GRM4: variants seen among roughly 807,000 people sequenced by gnomAD.
GRM4 encodes metabotropic glutamate receptor 4.
In GRM4, 28 loss-of-function variants were observed where a neutral mutation model predicts 81.7. The observed-to-expected ratio is 0.34, with a 90% CI of 0.25 to 0.47. The LOEUF (loss-of-function observed/expected upper bound fraction) is 0.47, where lower values mean the gene tolerates loss of function less well. Among genes scored for constraint, GRM4 ranks in the 20% least tolerant of loss-of-function variants. The pLI is 1.00. For synonymous variants in GRM4, 488 were observed against 528.8 expected (o/e 0.92, Z 1.06); for missense variants, 948 against 1,290.0 (o/e 0.73, Z 4.06).
In GRM4 at chr6:34,069,913, G is replaced by A. The variant is rs1340130737; in HGVS notation, c.737-7885C>T. Among the ~76,000 whole-genome samples, 2 of 152,302 alleles carry A rather than the reference G, an allele frequency of 1.3e-5. No homozygotes were observed. The highest frequency in any genetic ancestry group is 4.8e-5 in the African/African-American group (2 of 41,564). ...CTCCCCACCCAGTTCTTCCCTGGCT[G>A]GACTGCATTTATCTCCCTGGGGTCT... On this transcript the variant is annotated intron_variant, in intron 3 of 10. Transcript: ENST00000538487. The surrounding 1 kb of genome is among the most constrained non-coding windows in gnomAD (Gnocchi z 6.4).
rs1766755408 is a variant in GRM4 at position 34,070,443 on chromosome 6, C to A, written c.737-8415G>T. On this transcript the variant is annotated intron_variant, in intron 3 of 10. Coordinates refer to ENST00000538487, the MANE Select transcript of GRM4 (RefSeq NM_000841.4). The surrounding 1 kb of genome is among the most constrained non-coding windows in gnomAD (Gnocchi z 4.6). Reference sequence around the variant, plus strand: ...TGCTGGCTGTGCAAAGGCACCGGGTCACAAGGGCCCTGCCTGAAGACAGGT... The same window carrying A: ...TGCTGGCTGTGCAAAGGCACCGGGTAACAAGGGCCCTGCCTGAAGACAGGT... Among the ~76,000 whole-genome samples, 1 of 152,092 alleles carries A rather than the reference C, an allele frequency of 6.6e-6. No homozygotes were observed. Among genetic ancestry groups the A allele is most frequent in the Non-Finnish European group, 1.5e-5 (1 of 68,010 alleles).
rs542756020 is a variant in GRM4 at position 34,152,702 on chromosome 6, G to T, written c.312+2377C>A. On this transcript the variant is annotated intron_variant, in intron 1 of 8. Transcript: ENST00000374177. This position sits in a 1 kb window ranked among gnomAD's most constrained non-coding sequence, Gnocchi z 4.1. ...AATGGCGTTTGATTGGATCCGATGC[G>T]CTTTTAATTCCCTCCTGGGACATCA... is the stretch of plus-strand genomic sequence containing the variant. Among the ~76,000 whole-genome samples the T allele has an allele frequency of 6.6e-6, 1 of 152,190 alleles. No individual in the cohort carries two copies. The highest frequency in any genetic ancestry group is 2.4e-5 in the African/African-American group (1 of 41,450).
chr6:34,083,156 C>G (rs771028801), intron 3 of GRM4, among the ~76,000 whole-genome samples: 1 of 152,132 alleles, frequency 6.6e-6, no homozygotes, highest in African/African-American at 2.4e-5. Flanking sequence ...CGAATGCAGA[C>G]GGGAGCATGT....
chr6:34,129,619 C>G (rs538482029), intron 2 of GRM4, among the ~76,000 whole-genome samples: 1 of 152,204 alleles, frequency 6.6e-6, no homozygotes, highest in Admixed American at 6.5e-5. Context: ...CAGAGTCAGG[C>G]CTTCTGGTCC....
At position 34,022,547 on chromosome 6, in the gene GRM4, C is replaced by A; in HGVS notation, c.*274G>T. 1.9e-6 allele frequency: 1 copy of A among 528,756 alleles called. No individual in the cohort carries two copies. Among genetic ancestry groups the A allele is most frequent in the South Asian group, 2.2e-5 (1 of 45,940 alleles). 32.8% of individuals were successfully genotyped at this position (528,756 alleles called of 1,614,324 possible). Reference sequence around the variant, plus strand: ...AGCACTGGGGCCCACACGACCTGAGCCCCTGTGGTTTGGGGCCGGGAGGGG... The same window carrying A: ...AGCACTGGGGCCCACACGACCTGAGACCCTGTGGTTTGGGGCCGGGAGGGG... On this transcript the variant is annotated 3_prime_UTR_variant, in exon 11 of 11. Transcript: ENST00000538487. The surrounding 1 kb of genome is among the most constrained non-coding windows in gnomAD (Gnocchi z 5.6).
At chr6:34,037,518 C>T (rs1764772219) in intron 8 of GRM4, among the ~76,000 whole-genome samples, 1 of 152,140 alleles carries the variant, frequency 6.6e-6, no homozygotes, top group Non-Finnish European at 1.5e-5. Context: ...CTGGGTGCTA[C>T]CTCCTGATAA....
At chr6:34,135,712 T>C (rs974007321) in intron 1 of GRM4, among the ~76,000 whole-genome samples, 13 of 152,236 alleles carry the variant, frequency 8.5e-5, no homozygotes, top group African/African-American at 2.9e-4. Flanking sequence ...CAGATCTCTG[T>C]CCTAGATGGC....
chr6:34,079,958 G>A (rs1026872278), intron 3 of GRM4, among the ~76,000 whole-genome samples: 1 of 152,044 alleles, frequency 6.6e-6, no homozygotes, highest in Non-Finnish European at 1.5e-5. Flanking sequence ...ACCCTCCAAC[G>A]GCTCCCAGCT....
chr6:34,075,833 A>G (rs1260631997), intron 3 of GRM4, among the ~76,000 whole-genome samples: 1 of 152,186 alleles, frequency 6.6e-6, no homozygotes, highest in Non-Finnish European at 1.5e-5. Context: ...TCAAGGGCAG[A>G]CTGTGTCTTT....
rs1037249755 is a variant in GRM4 at position 34,019,650 on chromosome 6, G to A, written c.*3171C>T. The A allele has an allele frequency of 1.3e-5, 2 of 152,170 alleles. No homozygotes were observed. Among genetic ancestry groups the A allele is most frequent in the African/African-American group, 2.4e-5 (1 of 41,410 alleles). The allele number at this position is 152,170 out of a possible 1,614,324, so 9.4% of individuals were successfully genotyped here. On this transcript the variant is annotated 3_prime_UTR_variant, in exon 11 of 11. Coordinates refer to ENST00000538487, the MANE Select transcript of GRM4 (RefSeq NM_000841.4). ...CAGACATTGAGGAGGCTGAGGCCAC[G>A]GGGGTGAGCACATACCCCCTGCACA...
intron 2 of GRM4, among the ~76,000 whole-genome samples, chr6:34,122,024 G>T (rs756582075): frequency 6.6e-6 from 1 of 152,114 alleles, no homozygotes; most frequent in African/African-American, 2.4e-5. Flanking sequence ...GCCCGAGGCC[G>T]TAATCAAGGT....
intron 6 of GRM4, among the ~76,000 whole-genome samples, chr6:34,050,140 G>A (rs1253619829): frequency 6.6e-6 from 1 of 152,094 alleles, no homozygotes; most frequent in African/African-American, 2.4e-5. Flanking sequence ...CCTCCTCATT[G>A]CTCCCCCAGG....
At chr6:34,049,121 G>C (rs924500879) in intron 6 of GRM4, among the ~76,000 whole-genome samples, 1 of 151,930 alleles carries the variant, frequency 6.6e-6, no homozygotes. Flanking sequence ...CCTCATAAGA[G>C]GTGCCTCTGC....
chr6:34,061,912 C>T lies in GRM4; in HGVS notation c.853G>A (p.Ala285Thr). ...CCTCACCTGATGTCATCCTCGTTGG[C>T]AAAGATGATGACTGCCCTGGCGTTC... is the stretch of plus-strand genomic sequence containing the variant. ...TSNARAVIIF[A>T]NEDDIRRVLE... is the part of the protein sequence containing the mutation. The change falls in exon 4 of 11, where the codon GCC (alanine) becomes ACC (threonine). Residue 285 changes from alanine (A) to threonine (T), a missense_variant. Physicochemically the swap from Ala to Thr is moderately conservative, Grantham distance 58. Transcript: ENST00000538487. The T allele has an allele frequency of 1.2e-6, 2 of 1,612,794 alleles. No individual in the cohort carries two copies. Among genetic ancestry groups the T allele is most frequent in the Non-Finnish European group, 8.5e-7 (1 of 1,179,076 alleles).
chr6:34,091,623 C>A, intron 3 of GRM4: 1 of 541,340 alleles, frequency 1.8e-6, no homozygotes, highest in Non-Finnish European at 3.3e-6. Flanking sequence ...CAGGCTCCTG[C>A]ACCAGGGAGG....
intron 1 of GRM4, among the ~76,000 whole-genome samples, chr6:34,137,067 C>A (rs994329873): frequency 1.3e-5 from 2 of 152,186 alleles, no homozygotes; most frequent in Non-Finnish European, 2.9e-5. Context: ...TTCAGACACT[C>A]CCCCGCCAAT....
chr6:34,076,187 A>G (rs941968713), intron 3 of GRM4, among the ~76,000 whole-genome samples: 2 of 152,276 alleles, frequency 1.3e-5, no homozygotes, highest in Admixed American at 6.5e-5. Context: ...GTGGAAACTG[A>G]AAAGCAAAAT....
intron 3 of GRM4, among the ~76,000 whole-genome samples, chr6:34,075,562 C>T (rs1292029742): frequency 1.3e-5 from 2 of 152,246 alleles, no homozygotes; most frequent in Non-Finnish European, 2.9e-5. Context: ...TGGCACTTGC[C>T]ATCCTCCACT....
intron 5 of GRM4, 102 bp from the exon 6 acceptor site, chr6:34,056,786 G>C: frequency 8.0e-7 from 1 of 1,254,650 alleles, no homozygotes; most frequent in Non-Finnish European, 1.1e-6. Context: ...GGCGGAGGGA[G>C]AGAGACCAGG....
Sources: gnomAD v4.1 joint callset for allele counts (sites outside exome capture counted in the v4.1 genomes callset) on GRCh38, gnomAD v4.1.1 for gene constraint, Gnocchi (gnomAD v3.1) non-coding constraint, MANE v1.5 for transcripts, NCBI Gene and HGNC (gene_info 2026-07-23, HGNC 2026-07-21) for gene names.